PTPRG: variants seen among roughly 807,000 people sequenced by gnomAD.
PTPRG encodes the protein protein tyrosine phosphatase receptor type G, also known as receptor-type tyrosine-protein phosphatase gamma.
PTPRG carries 102 observed loss-of-function variants against 165.3 expected under a neutral mutation model. The observed-to-expected ratio is 0.62, with a 90% CI of 0.53 to 0.73. The LOEUF is 0.73. Among genes scored for constraint, PTPRG ranks in the 30% least tolerant of loss-of-function variants. The probability of loss-of-function intolerance (pLI) is 0.00; values close to 1 mark genes in which losing one functional copy is unlikely to be tolerated. For missense variants in PTPRG, 1,866 were observed against 1,861.4 expected (o/e 1.00, Z -0.05); for synonymous variants, 675 against 669.5 (o/e 1.01, Z -0.13).
chr3:61,951,672 G>T (rs1454082107), intron 2 of PTPRG, among the ~76,000 whole-genome samples: 1 of 152,078 alleles, frequency 6.6e-6, no homozygotes, highest in Non-Finnish European at 1.5e-5. Context: ...GTGTTTTTTG[G>T]GGAATGTGCA....
intron 2 of PTPRG, among the ~76,000 whole-genome samples, chr3:61,974,563 T>G (rs74989032): frequency 2.0e-5 from 1 of 50,972 alleles, no homozygotes; most frequent in Non-Finnish European, 4.0e-5. Flanking sequence ...AAAAAAAAAA[T>G]TTTTTTTTAA....
intron 2 of PTPRG, among the ~76,000 whole-genome samples, chr3:61,856,327 G>A (rs914487342): frequency 5.9e-5 from 9 of 151,628 alleles, no homozygotes; most frequent in East Asian, 5.8e-4. Context: ...CCACCGCCCC[G>A]GCAACCACTG....
chr3:61,637,215 A>T (rs1006021332), intron 1 of PTPRG, among the ~76,000 whole-genome samples: 10 of 152,234 alleles, frequency 6.6e-5, no homozygotes, highest in Admixed American at 2.6e-4. Flanking sequence ...GGAATTATTC[A>T]TGTCAGTTGC....
At chr3:61,931,089 C>A (rs2039350263) in intron 2 of PTPRG, among the ~76,000 whole-genome samples, 1 of 152,128 alleles carries the variant, frequency 6.6e-6, no homozygotes, top group Non-Finnish European at 1.5e-5. Flanking sequence ...AAAGCTCCTT[C>A]CTGCCCGTGG....
intron 2 of PTPRG, among the ~76,000 whole-genome samples, chr3:61,763,703 G>A (rs2033930268): frequency 6.6e-6 from 1 of 152,020 alleles, no homozygotes; most frequent in African/African-American, 2.4e-5. Context: ...ACAACCCCAT[G>A]GCACTTAATA....
intron 15 of PTPRG, among the ~76,000 whole-genome samples, chr3:62,247,047 G>T (rs938826446): frequency 2.0e-5 from 3 of 152,106 alleles, no homozygotes; most frequent in Non-Finnish European, 4.4e-5. Flanking sequence ...AATACACTGT[G>T]TTCCCAGAGC....
intron 2 of PTPRG, among the ~76,000 whole-genome samples, chr3:61,758,501 G>C (rs987327283): frequency 1.3e-5 from 2 of 152,122 alleles, no homozygotes; most frequent in Non-Finnish European, 2.9e-5. Flanking sequence ...GCCCAGGCTG[G>C]AGTGAAGTGG....
intron 1 of PTPRG, among the ~76,000 whole-genome samples, chr3:61,582,206 G>T (rs909600224): frequency 1.3e-5 from 2 of 152,122 alleles, no homozygotes; most frequent in African/African-American, 4.8e-5. Context: ...GGTCTCAAGT[G>T]ATCCACTCGC....
intron 6 of PTPRG, among the ~76,000 whole-genome samples, chr3:62,140,672 C>T (rs1703891156): frequency 6.6e-6 from 1 of 151,932 alleles, no homozygotes; most frequent in Non-Finnish European, 1.5e-5. Flanking sequence ...CATGGTGAAA[C>T]CCCTTCTCTA....
At chr3:61,795,499 G>A (rs952912380) in intron 2 of PTPRG, among the ~76,000 whole-genome samples, 3 of 151,806 alleles carry the variant, frequency 2.0e-5, no homozygotes, top group African/African-American at 7.3e-5. Flanking sequence ...AATTAGCCGG[G>A]CATGGTGGTA....
intron 2 of PTPRG, among the ~76,000 whole-genome samples, chr3:61,980,448 C>T (rs767335267): frequency 3.9e-4 from 60 of 152,034 alleles, no homozygotes; most frequent in Non-Finnish European, 7.5e-4. Context: ...AAAACCTTAG[C>T]CAAGTTCGTC....
intron 1 of PTPRG, among the ~76,000 whole-genome samples, chr3:61,745,808 C>A (rs1227792309): frequency 6.6e-6 from 1 of 152,074 alleles, no homozygotes; most frequent in Non-Finnish European, 1.5e-5. Flanking sequence ...AGCTCTAGTA[C>A]AACAATGGCC....
At chr3:62,034,769 T>C (rs1699889464) in intron 4 of PTPRG, among the ~76,000 whole-genome samples, 1 of 152,174 alleles carries the variant, frequency 6.6e-6, no homozygotes, top group South Asian at 2.1e-4. Flanking sequence ...AAAAAATAAA[T>C]AAAATCAAAG....
chr3:61,836,062 C>CAA (rs749017389), intron 2 of PTPRG, among the ~76,000 whole-genome samples: 8 of 103,656 alleles, frequency 7.7e-5, no homozygotes, highest in East Asian at 4.3e-4. Flanking sequence ...CCCCCCCCAC[C>CAA]AAAAAAAAAA....
At chr3:62,174,789 T>C (rs903352131) in intron 8 of PTPRG, among the ~76,000 whole-genome samples, 2 of 152,250 alleles carry the variant, frequency 1.3e-5, no homozygotes, top group Non-Finnish European at 2.9e-5. Context: ...GAAGCTCTGA[T>C]ATGAACACTT....
chr3:61,947,378 G>A (rs149537614), intron 2 of PTPRG, among the ~76,000 whole-genome samples: 1 of 152,264 alleles, frequency 6.6e-6, no homozygotes, highest in South Asian at 2.1e-4. Context: ...CATAAGGAAG[G>A]GTTCATTTCA....
chr3:62,079,899 G>A (rs1415582174), intron 5 of PTPRG, among the ~76,000 whole-genome samples: 1 of 152,150 alleles, frequency 6.6e-6, no homozygotes, highest in Admixed American at 6.5e-5. Flanking sequence ...CTGGAACATA[G>A]CGGACACTTG....
At chr3:61,963,155 G>T (rs1237886363) in intron 2 of PTPRG, among the ~76,000 whole-genome samples, 2 of 152,052 alleles carry the variant, frequency 1.3e-5, no homozygotes, top group Non-Finnish European at 2.9e-5. Flanking sequence ...TATACATGCT[G>T]TTCTGCACTT....
intron 2 of PTPRG, among the ~76,000 whole-genome samples, chr3:61,861,898 G>T (rs2037281359): frequency 6.6e-6 from 1 of 152,146 alleles, no homozygotes; most frequent in Non-Finnish European, 1.5e-5. Context: ...TATGAGTTGT[G>T]AAATTAGATT....
Sources: allele counts gnomAD v4.1 joint callset (sites outside exome capture counted in the v4.1 genomes callset), GRCh38; gene constraint gnomAD v4.1.1; transcripts MANE v1.5; gene names NCBI Gene and HGNC (gene_info 2026-07-23, HGNC 2026-07-21).